The following PNPLA1 variants were observed in gnomAD, a reference collection of about 807,000 sequenced individuals.
PNPLA1 encodes the protein patatin like domain 1, omega-hydroxyceramide transacylase, also known as omega-hydroxyceramide transacylase.
In PNPLA1, 36 loss-of-function variants were observed where a neutral mutation model predicts 51.7. The observed-to-expected ratio is 0.70, with a 90% CI of 0.53 to 0.92. The LOEUF (loss-of-function observed/expected upper bound fraction) is 0.92, where lower values mean the gene tolerates loss of function less well. Among genes scored for constraint, PNPLA1 ranks in the 40% least tolerant of loss-of-function variants. The pLI, the probability that PNPLA1 is intolerant of heterozygous loss-of-function variation, is 0.00. For synonymous variants in PNPLA1, 293 were observed against 280.1 expected (o/e 1.05, Z -0.46); for missense variants, 658 against 682.5 (o/e 0.96, Z 0.40).
intron 1 of PNPLA1, among the ~76,000 whole-genome samples, chr6:36,243,777 A>C (rs1003777127): frequency 2.7e-4 from 41 of 152,278 alleles, no homozygotes; most frequent in African/African-American, 9.1e-4. Flanking sequence ...AGGGAGTGCC[A>C]TGGACTGGTG....
upstream of PNPLA1, among the ~76,000 whole-genome samples, chr6:36,266,956 C>CT (rs548640792): frequency 4.6e-5 from 7 of 152,302 alleles, no homozygotes; most frequent in South Asian, 1.4e-3. Context: ...AGTCTGGAGT[C>CT]TATGTGCATC....
upstream of PNPLA1, among the ~76,000 whole-genome samples, chr6:36,268,380 A>G (rs1769811820): frequency 1.3e-5 from 2 of 152,204 alleles, no homozygotes; most frequent in South Asian, 2.1e-4. Context: ...ACTGAGGCCC[A>G]GAGAGATCAT....
At chr6:36,289,824 C>G (rs1426378101) in intron 1 of PNPLA1, among the ~76,000 whole-genome samples, 2 of 152,150 alleles carry the variant, frequency 1.3e-5, no homozygotes. Context: ...ACCTCCAGGA[C>G]TGGGGTGGAA....
At chr6:36,257,766 C>G (rs944865156) in intron 1 of PNPLA1, among the ~76,000 whole-genome samples, 2 of 152,132 alleles carry the variant, frequency 1.3e-5, no homozygotes, top group Non-Finnish European at 2.9e-5. Flanking sequence ...TCCATTGATT[C>G]CTTTTTCTCT....
At chr6:36,250,764 C>T (rs1769403031) in intron 1 of PNPLA1, among the ~76,000 whole-genome samples, 1 of 152,090 alleles carries the variant, frequency 6.6e-6, no homozygotes, top group Non-Finnish European at 1.5e-5. Context: ...AGTGCAGTGG[C>T]GTGATCCTGG....
chr6:36,263,689 G>A (rs566454060), intron 1 of PNPLA1, among the ~76,000 whole-genome samples: 1 of 151,730 alleles, frequency 6.6e-6, no homozygotes, highest in Non-Finnish European at 1.5e-5. Context: ...TCTGGCATTT[G>A]TGGCCTCACT....
At chr6:36,300,534 G>A (rs1296902308) in intron 5 of PNPLA1, among the ~76,000 whole-genome samples, 5 of 152,212 alleles carry the variant, frequency 3.3e-5, no homozygotes, top group East Asian at 1.9e-4. Context: ...TTTGTAGAAC[G>A]TCCCTCAGTT....
chr6:36,249,596 A>G (rs913265697), intron 1 of PNPLA1, among the ~76,000 whole-genome samples: 2 of 152,224 alleles, frequency 1.3e-5, no homozygotes, highest in Non-Finnish European at 2.9e-5. Flanking sequence ...GACTTGGAGC[A>G]GGTCACCAGC....
At chr6:36,253,507 C>T (rs1446914449) in intron 1 of PNPLA1, among the ~76,000 whole-genome samples, 1 of 152,120 alleles carries the variant, frequency 6.6e-6, no homozygotes, top group African/African-American at 2.4e-5. Context: ...AAGACAGAGT[C>T]TTGCTCTGTC....
At chr6:36,291,616 T>C (rs891598452) in intron 2 of PNPLA1, 64 bp downstream of exon 2, 12 of 1,324,950 alleles carry the variant, frequency 9.1e-6, no homozygotes, top group East Asian at 7.6e-5. Flanking sequence ...TCCTGCTCTT[T>C]CTCCACAGCT....
chr6:36,258,107 G>A (rs1396615636), intron 1 of PNPLA1, among the ~76,000 whole-genome samples: 7 of 152,184 alleles, frequency 4.6e-5, no homozygotes, highest in Non-Finnish European at 1.0e-4. Flanking sequence ...TTACAGGTGT[G>A]AGCCACTGCA....
intron 1 of PNPLA1, among the ~76,000 whole-genome samples, chr6:36,288,763 C>A (rs1426959218): frequency 6.6e-6 from 1 of 151,950 alleles, no homozygotes; most frequent in Non-Finnish European, 1.5e-5. Context: ...CGGCTGGAGA[C>A]CCTATTTTTA....
intron 1 of PNPLA1, among the ~76,000 whole-genome samples, chr6:36,290,502 GATC>G (rs1240331744): frequency 3.3e-5 from 5 of 152,162 alleles, no homozygotes; most frequent in African/African-American, 1.2e-4. Context: ...TCAGTTTCCT[GATC>G]AGTAAAAGGA....
In PNPLA1 at chr6:36,312,748, G is replaced by T. The variant is rs1771434981; in HGVS notation, c.*862G>T. 6.6e-6 allele frequency among the ~76,000 whole-genome samples: 1 copy of T among 152,214 alleles called. No homozygotes were observed. Among genetic ancestry groups the T allele is most frequent in the African/African-American group, 2.4e-5 (1 of 41,458 alleles). On this transcript the variant is annotated 3_prime_UTR_variant, in exon 9 of 9. Transcript: ENST00000636260. The stretch of plus-strand genomic sequence containing the variant: ...TTTCCCTTCCAGGGTGAGCATCTCA[G>T]CTTCCTGCGATCCTTTCAACCCTTC...
chr6:36,257,750 T>G (rs1422636039), intron 1 of PNPLA1, among the ~76,000 whole-genome samples: 1 of 152,204 alleles, frequency 6.6e-6, no homozygotes, highest in Admixed American at 6.5e-5. Context: ...TGTCTCAAGG[T>G]TGGTCTCCAT....
chr6:36,252,162 T>G (rs7774116), intron 1 of PNPLA1, among the ~76,000 whole-genome samples: 1 of 151,990 alleles, frequency 6.6e-6, no homozygotes, highest in African/African-American at 2.4e-5. Context: ...ACTGTAGAGA[T>G]GGAAAATGCC....
chr6:36,261,301 A>G (rs1441217377), intron 1 of PNPLA1, among the ~76,000 whole-genome samples: 3 of 152,238 alleles, frequency 2.0e-5, no homozygotes, highest in Admixed American at 1.3e-4. Flanking sequence ...TCTGACCACC[A>G]TGAATGGCAA....
intron 1 of PNPLA1, among the ~76,000 whole-genome samples, chr6:36,259,155 G>GT (rs1348500254): frequency 6.6e-6 from 1 of 152,210 alleles, no homozygotes; most frequent in Non-Finnish European, 1.5e-5. Context: ...GACCAAGGGA[G>GT]TATTATCTCA....
At chr6:36,273,728 C>CAAAAAAAAAAAAAAA (rs57186870) in intron 1 of PNPLA1, among the ~76,000 whole-genome samples, 31 of 48,222 alleles carry the variant, frequency 6.4e-4, no homozygotes, top group Admixed American at 9.3e-4. Context: ...GACCCCATCG[C>CAAAAAAAAAAAAAAA]AAAAAAAAAA....
Sources: allele counts gnomAD v4.1 joint callset (sites outside exome capture counted in the v4.1 genomes callset), GRCh38; gene constraint gnomAD v4.1.1; transcripts MANE v1.5; gene names NCBI Gene and HGNC (gene_info 2026-07-23, HGNC 2026-07-21).